Variants in HNRNPUL1 observed in about 807,000 individuals in gnomAD.
HNRNPUL1 encodes heterogeneous nuclear ribonucleoprotein U-like protein 1.
A neutral mutation model predicts 108.5 loss-of-function variants in HNRNPUL1; 14 were observed. The observed-to-expected ratio is 0.13, with a 90% CI of 0.09 to 0.20. The LOEUF (loss-of-function observed/expected upper bound fraction) is 0.20, where lower values mean the gene tolerates loss of function less well. Among genes scored for constraint, HNRNPUL1 ranks in the 10% least tolerant of loss-of-function variants. HNRNPUL1 has a pLI of 1.00. For synonymous variants in HNRNPUL1, 422 were observed against 445.2 expected, an observed-to-expected ratio of 0.95 and a Z score of 0.66; for missense variants, 804 against 1,168.3, an observed-to-expected ratio of 0.69 and a Z score of 4.55.
At chr19:41,305,570 C>T in intron 13 of HNRNPUL1, 106 bp from the exon 14 acceptor site, 16 of 1,380,726 alleles carry the variant, frequency 1.2e-5, no homozygotes, top group Non-Finnish European at 1.5e-5. Context: ...GGGAAGGGCC[C>T]CTGTGGGCCA....
Position 41,281,064 on chromosome 19 carries a change from A to G in HNRNPUL1, c.887-99A>G. 3.8e-6 allele frequency: 3 copies of G among 788,994 alleles called. No individual in the cohort carries two copies. The South Asian group carries it at 4.6e-5, about 12-fold the overall frequency. 48.9% of individuals were successfully genotyped at this position (788,994 alleles called of 1,614,324 possible). ...CATCTGATTAATAAAACTAGTAAAG[A>G]AAATGATTTTTTTCTTCAAAAATAA... On this transcript the variant is annotated intron_variant, in intron 6 of 14. Coordinates refer to ENST00000392006, the MANE Select transcript of HNRNPUL1 (RefSeq NM_007040.6).
At chr19:41,284,281 G>A in intron 7 of HNRNPUL1, among the ~76,000 whole-genome samples, 1 of 151,116 alleles carries the variant, frequency 6.6e-6, no homozygotes. Context: ...CCAGCATAAG[G>A]ACCACTGTAA....
intron 7 of HNRNPUL1, 148 bp downstream of exon 7, chr19:41,281,423 T>A: frequency 1.6e-6 from 1 of 610,186 alleles, no homozygotes; most frequent in Non-Finnish European, 2.9e-6. Flanking sequence ...GAATGTTTAC[T>A]GTCATTTTGT....
intron 7 of HNRNPUL1, chr19:41,291,994 C>CAAA: frequency 8.1e-5 from 20 of 247,640 alleles, no homozygotes; most frequent in East Asian, 2.6e-4. Context: ...AAAAAAAAAA[C>CAAA]AAAAAAAAAA....
intron 7 of HNRNPUL1, among the ~76,000 whole-genome samples, chr19:41,290,229 C>T (rs908574989): frequency 1.3e-5 from 2 of 152,230 alleles, no homozygotes; most frequent in African/African-American, 4.8e-5. Flanking sequence ...TATTTTGCTT[C>T]AGTCTGCTAT....
At chr19:41,290,323 A>T (rs932821400) in intron 7 of HNRNPUL1, among the ~76,000 whole-genome samples, 7 of 152,264 alleles carry the variant, frequency 4.6e-5, no homozygotes, top group African/African-American at 1.7e-4. Flanking sequence ...TATAAATTTT[A>T]AAAAGGCAAA....
chr19:41,264,523 A>T lies in HNRNPUL1; in HGVS notation c.20A>T (p.Lys7Met). ...CGGGCCATGGATGTGCGCCGTCTGA[A>T]GGTGAACGAACTTCGCGAGGAGCTG... is the stretch of plus-strand genomic sequence containing the variant. MDVRRL[K>M]VNELREELQR... Residue 7 changes from lysine to methionine, a missense_variant, in exon 1 of 15, where the codon AAG (lysine) becomes ATG (methionine). Physicochemically the swap from Lys to Met is moderately conservative, Grantham distance 95 (BLOSUM62 -1). Transcript: ENST00000392006. 1.4e-6 allele frequency: 2 copies of T among 1,461,736 alleles called. No homozygotes were observed. The highest frequency in any genetic ancestry group is 1.8e-6 in the Non-Finnish European group (2 of 1,107,056). The allele number at this position is 1,461,736 out of a possible 1,614,324, so 90.5% of individuals were successfully genotyped here.
chr19:41,281,126 G>C (rs778431167), intron 6 of HNRNPUL1, 37 bp from the exon 7 acceptor site: 1 of 1,359,626 alleles, frequency 7.4e-7, no homozygotes, highest in Non-Finnish European at 1.1e-6. Flanking sequence ...TATGACCATC[G>C]CAGGTTTAAC....
intron 1 of HNRNPUL1, among the ~76,000 whole-genome samples, chr19:41,266,458 T>A (rs2034850152): frequency 6.7e-6 from 1 of 148,226 alleles, no homozygotes; most frequent in African/African-American, 2.6e-5. Flanking sequence ...CAGCTTTCTT[T>A]CTCTTTTTTT....
chr19:41,272,296 G>A (rs867486621), intron 3 of HNRNPUL1, 61 bp downstream of exon 3: 2 of 1,541,924 alleles, frequency 1.3e-6, no homozygotes, highest in Middle Eastern at 2.4e-4. Context: ...ATAGCCTCGT[G>A]CTTGCTGGGG....
chr19:41,281,750 A>C (rs767695767), intron 7 of HNRNPUL1, among the ~76,000 whole-genome samples: 14 of 152,182 alleles, frequency 9.2e-5, no homozygotes, highest in Non-Finnish European at 1.3e-4. Context: ...AGATGATGCA[A>C]AACAGAACAG....
At chr19:41,295,867 T>C (rs916134861) in intron 10 of HNRNPUL1, among the ~76,000 whole-genome samples, 5 of 152,186 alleles carry the variant, frequency 3.3e-5, no homozygotes, top group African/African-American at 4.8e-5. Flanking sequence ...CACAAAACAG[T>C]TGAGCACAGG....
chr19:41,271,722 T>C (rs2035251170), intron 2 of HNRNPUL1, among the ~76,000 whole-genome samples: 1 of 152,184 alleles, frequency 6.6e-6, no homozygotes, highest in Admixed American at 6.5e-5. Context: ...TGGCCTCTTT[T>C]GGTAGGGTAA....
intron 2 of HNRNPUL1, among the ~76,000 whole-genome samples, chr19:41,269,996 T>G (rs1381011117): frequency 6.6e-6 from 1 of 152,150 alleles, no homozygotes; most frequent in Non-Finnish European, 1.5e-5. Flanking sequence ...CTTTTTTTTT[T>G]TTTGAGACGA....
At chr19:41,268,426 C>T (rs1171395169) in intron 2 of HNRNPUL1, 81 bp downstream of exon 2, 2 of 1,420,608 alleles carry the variant, frequency 1.4e-6, no homozygotes, top group Non-Finnish European at 1.9e-6. Context: ...AGCGGGTCTT[C>T]CCAGAGAAAC....
chr19:41,280,528 G>A (rs1367237042), intron 6 of HNRNPUL1, among the ~76,000 whole-genome samples: 1 of 152,152 alleles, frequency 6.6e-6, no homozygotes, highest in African/African-American at 2.4e-5. Context: ...AACAGCCCAG[G>A]AGGTCAAGCA....
At chr19:41,264,273 G>A, upstream of HNRNPUL1, 3 of 394,450 alleles carry the variant, frequency 7.6e-6, no homozygotes, top group Non-Finnish European at 8.9e-6. Context: ...TGATTGGCTA[G>A]GTTTCCGGGC....
intron 7 of HNRNPUL1, among the ~76,000 whole-genome samples, chr19:41,291,414 G>A (rs1002436421): frequency 1.3e-5 from 2 of 152,112 alleles, no homozygotes; most frequent in Admixed American, 6.5e-5. Flanking sequence ...AAGGCCCTGC[G>A]GTGGCTTTCC....
At chr19:41,284,388 G>T (rs979691189) in intron 7 of HNRNPUL1, among the ~76,000 whole-genome samples, 1 of 152,198 alleles carries the variant, frequency 6.6e-6, no homozygotes, top group African/African-American at 2.4e-5. Flanking sequence ...ATGCAAGGCC[G>T]GACACTGTGA....
Sources: allele counts gnomAD v4.1 joint callset (sites outside exome capture counted in the v4.1 genomes callset), GRCh38; gene constraint gnomAD v4.1.1; transcripts MANE v1.5; gene names NCBI Gene and HGNC (gene_info 2026-07-23, HGNC 2026-07-21).